The following UXS1 variants were observed in gnomAD, a reference collection of about 807,000 sequenced individuals.
UXS1 encodes UDP-glucuronate decarboxylase 1.
Under a neutral mutation model 62.6 loss-of-function variants are expected in UXS1, and 33 were observed. The ratio of observed to expected loss-of-function variants is 0.53; its 90% CI spans 0.40 to 0.70. The LOEUF is 0.70. UXS1 is among the 30% of genes least tolerant of loss of function. The pLI, the probability that UXS1 is intolerant of heterozygous loss-of-function variation, is 0.00. For missense variants in UXS1, 434 were observed against 556.3 expected, an observed-to-expected ratio of 0.78 and a Z score of 2.21; for synonymous variants, 213 against 206.8, an observed-to-expected ratio of 1.03 and a Z score of -0.26.
chr2:106,146,286 C>A lies in UXS1; in HGVS notation c.292-916G>T, dbSNP rs550216813. Among the ~76,000 whole-genome samples, 308 of 152,246 alleles carry A rather than the reference C, an allele frequency of 2.0e-3. 2 individuals are homozygous for A. In the Middle Eastern group the frequency reaches 0.024, roughly 12 times the overall value. ...TGTTCTCCACTCTGCCTTCTCTTCA[C>A]CAAAATTCTCATTCATTTCACCCTT... On this transcript the variant is annotated intron_variant, in intron 5 of 14. Transcript: ENST00000283148.
intron 1 of UXS1, among the ~76,000 whole-genome samples, chr2:106,174,659 G>A (rs1683766247): frequency 6.6e-6 from 1 of 152,346 alleles, no homozygotes; most frequent in East Asian, 1.9e-4. Context: ...GCCCTGGGGA[G>A]GGCCTAGTAA....
At chr2:106,099,941 G>C (rs1335693240) in intron 12 of UXS1, among the ~76,000 whole-genome samples, 1 of 152,140 alleles carries the variant, frequency 6.6e-6, no homozygotes, top group Non-Finnish European at 1.5e-5. Context: ...TTTCACCTCA[G>C]GGAAAAATGC....
chr2:106,164,770 T>A lies in UXS1; in HGVS notation c.152A>T (p.Asn51Ile). The change falls in exon 3 of 15, where the codon AAT becomes ATT. Residue 51 changes from asparagine (N) to isoleucine (I), a missense_variant. Physicochemically the swap from Asn to Ile is moderately radical, Grantham distance 149. Around this residue, in one of 3 missense-constraint regions of UXS1, gnomAD observed 91 missense variants for 71.1 expected, o/e 1.28. Transcript: ENST00000283148. ...SFLLNRSIQE[N>I]GELKIESKIE... Reference sequence around the variant, plus strand: ...CTTGCTTTCAATTTTTAGTTCACCATTTTCCTGGATAGACCTGTTGAGTAG... The same window carrying A: ...CTTGCTTTCAATTTTTAGTTCACCAATTTCCTGGATAGACCTGTTGAGTAG... 6.3e-7 allele frequency: 1 copy of A among 1,590,676 alleles called. No homozygotes were observed.
At chr2:106,157,951 T>C (rs1317795003) in intron 5 of UXS1, 107 bp downstream of exon 5, 2 of 1,002,494 alleles carry the variant, frequency 2.0e-6, no homozygotes, top group Non-Finnish European at 3.0e-6. Context: ...TATAAGCCAC[T>C]GAATCGTATC....
At chr2:106,182,233 A>G (rs1474494656) in intron 1 of UXS1, among the ~76,000 whole-genome samples, 1 of 152,238 alleles carries the variant, frequency 6.6e-6, no homozygotes, top group Admixed American at 6.5e-5. Context: ...AACGCTAACA[A>G]TAGCTGAAGA....
intron 6 of UXS1, among the ~76,000 whole-genome samples, chr2:106,141,140 G>T (rs1224245175): frequency 3.9e-5 from 6 of 152,180 alleles, no homozygotes; most frequent in Non-Finnish European, 7.3e-5. Context: ...AAGTAATGCT[G>T]AAGGGAAAAC....
intron 1 of UXS1, among the ~76,000 whole-genome samples, chr2:106,175,216 T>A (rs1683805137): frequency 6.6e-6 from 1 of 152,216 alleles, no homozygotes; most frequent in African/African-American, 2.4e-5. Context: ...GAGGGCACCT[T>A]GAGCACACTG....
At chr2:106,101,367 A>C in intron 11 of UXS1, 1 of 459,822 alleles carries the variant, frequency 2.2e-6, no homozygotes, top group Non-Finnish European at 3.9e-6. Context: ...AGATAGTTAA[A>C]TAGGATGGAA....
chr2:106,167,052 A>G (rs571914345), intron 1 of UXS1, among the ~76,000 whole-genome samples: 1 of 152,256 alleles, frequency 6.6e-6, no homozygotes, highest in African/African-American at 2.4e-5. Flanking sequence ...TCTCCCTTCT[A>G]TACTCTAGGC....
At position 106,167,505 on chromosome 2, in the gene UXS1, G is replaced by A. The variant is rs559785840; in HGVS notation, c.95-1422C>T. On this transcript the variant is annotated intron_variant, in intron 1 of 14. Transcript: ENST00000283148. ...ATAGCTACTCATCAAATAGGATTCA[G>A]TATCCAAACTACACCCCCACATGAA... 1.8e-3 allele frequency among the ~76,000 whole-genome samples: 269 copies of A among 152,178 alleles called. 2 individuals are homozygous for A. Among genetic ancestry groups the A allele is most frequent in the Non-Finnish European group, 3.2e-3 (215 of 68,024 alleles).
intron 11 of UXS1, among the ~76,000 whole-genome samples, chr2:106,103,439 G>T (rs1677774716): frequency 6.6e-6 from 1 of 152,180 alleles, no homozygotes; most frequent in South Asian, 2.1e-4. Context: ...GGGCACAGCT[G>T]GGTGAGTGGA....
intron 10 of UXS1, among the ~76,000 whole-genome samples, chr2:106,109,860 T>C (rs1002308764): frequency 6.6e-6 from 1 of 152,186 alleles, no homozygotes; most frequent in African/African-American, 2.4e-5. Flanking sequence ...AACGAGACGC[T>C]GAGCTGTTTC....
chr2:106,141,091 G>A (rs1308344391), intron 6 of UXS1, among the ~76,000 whole-genome samples: 5 of 152,144 alleles, frequency 3.3e-5, no homozygotes, highest in Admixed American at 1.3e-4. Flanking sequence ...ACAGGACTAA[G>A]GAAATTACAA....
chr2:106,151,888 A>G (rs1261759348), intron 5 of UXS1, among the ~76,000 whole-genome samples: 1 of 152,230 alleles, frequency 6.6e-6, no homozygotes, highest in Admixed American at 6.5e-5. Flanking sequence ...CTTCCAGAAG[A>G]ACAGAGAGAT....
At chr2:106,141,830 C>A (rs1483565981) in intron 6 of UXS1, among the ~76,000 whole-genome samples, 2 of 150,110 alleles carry the variant, frequency 1.3e-5, no homozygotes, top group Non-Finnish European at 3.0e-5. Flanking sequence ...GAAAAAAAAT[C>A]ACATTTAGGA....
chr2:106,175,952 A>T (rs941734471), intron 1 of UXS1, among the ~76,000 whole-genome samples: 1 of 152,178 alleles, frequency 6.6e-6, no homozygotes, highest in African/African-American at 2.4e-5. Context: ...CACCACCTTT[A>T]ATCTATTGAT....
At chr2:106,185,580 C>A (rs879580144) in intron 1 of UXS1, among the ~76,000 whole-genome samples, 2 of 152,202 alleles carry the variant, frequency 1.3e-5, no homozygotes, top group Non-Finnish European at 2.9e-5. Context: ...GCTACGGGTC[C>A]ACAGTGATTA....
intron 1 of UXS1, among the ~76,000 whole-genome samples, chr2:106,193,156 G>A (rs1195269672): frequency 6.6e-6 from 1 of 151,992 alleles, no homozygotes; most frequent in Non-Finnish European, 1.5e-5. Context: ...CCTTCCTAGA[G>A]CTCAACTGAA....
chr2:106,178,449 T>A (rs1303624626), intron 1 of UXS1, among the ~76,000 whole-genome samples: 2 of 152,094 alleles, frequency 1.3e-5, no homozygotes, highest in Admixed American at 1.3e-4. Context: ...TATGTATATA[T>A]GTATGTGTGT....
Sources: allele counts gnomAD v4.1 joint callset (sites outside exome capture counted in the v4.1 genomes callset), GRCh38; gene constraint gnomAD v4.1.1; regional missense constraint gnomAD v4.1.1; transcripts MANE v1.5; gene names NCBI Gene and HGNC (gene_info 2026-07-23, HGNC 2026-07-21).